Variants in ACACA observed in about 807,000 individuals in gnomAD.
ACACA encodes the protein acetyl-CoA carboxylase alpha, also known as acetyl-CoA carboxylase 1.
A neutral mutation model predicts 296.1 loss-of-function variants in ACACA; 103 were observed. The observed-to-expected ratio is 0.35, with a 90% CI of 0.30 to 0.41. ACACA has a LOEUF of 0.41. Among genes scored for constraint, ACACA ranks in the 10% least tolerant of loss-of-function variants. The pLI, the probability that ACACA is intolerant of heterozygous loss-of-function variation, is 1.00. For missense variants in ACACA, 1,554 were observed against 2,989.7 expected (o/e 0.52, Z 11.20); for synonymous variants, 953 against 1,038.6 (o/e 0.92, Z 1.58).
At chr17:37,400,740 CTG>C (rs71135716) in intron 1 of ACACA, among the ~76,000 whole-genome samples, 1,611 of 147,252 alleles carry the variant, frequency 0.011, 9 homozygotes, top group Non-Finnish European at 0.016. Context: ...GTGTGTGTGT[CTG>C]TGTGTGTGTG....
intron 32 of ACACA, among the ~76,000 whole-genome samples, chr17:37,206,301 G>GA (rs1378277038): frequency 1.3e-5 from 2 of 151,876 alleles, no homozygotes; most frequent in African/African-American, 4.8e-5. Flanking sequence ...ATCAAATCAT[G>GA]AAAAAATAAC....
chr17:37,141,178 G>C (rs573794427), intron 45 of ACACA: 74 of 539,594 alleles, frequency 1.4e-4, no homozygotes, highest in Non-Finnish European at 2.5e-4. Context: ...ATCCTTGAGA[G>C]AGGTCCCCAC....
At chr17:37,207,830 A>C in intron 30 of ACACA, 30 bp from the exon 31 acceptor site, 1 of 1,612,294 alleles carries the variant, frequency 6.2e-7, no homozygotes, top group Non-Finnish European at 8.5e-7. Context: ...CGTTCATTAG[A>C]CAAGGAGGGT....
intron 45 of ACACA, among the ~76,000 whole-genome samples, chr17:37,135,904 C>G (rs927160036): frequency 6.6e-6 from 1 of 150,950 alleles, no homozygotes; most frequent in Non-Finnish European, 1.5e-5. Flanking sequence ...TAATTCCAAA[C>G]AGGAATTCTT....
At chr17:37,317,764 C>A (rs938336456) in intron 3 of ACACA, among the ~76,000 whole-genome samples, 1 of 152,164 alleles carries the variant, frequency 6.6e-6, no homozygotes, top group African/African-American at 2.4e-5. Flanking sequence ...GCCTTACTTA[C>A]AACATTCATA....
At chr17:37,381,066 C>T (rs2050232301) in intron 1 of ACACA, among the ~76,000 whole-genome samples, 1 of 152,036 alleles carries the variant, frequency 6.6e-6, no homozygotes, top group Non-Finnish European at 1.5e-5. Context: ...TCCGGAGATA[C>T]TCTAAGAATG....
intron 28 of ACACA, 167 bp from the exon 29 acceptor site, chr17:37,222,009 T>C (rs2079316093): frequency 3.1e-6 from 2 of 652,992 alleles, no homozygotes; most frequent in East Asian, 2.7e-5. Context: ...TTAATAAAGC[T>C]GGAGTCTTAA....
intron 52 of ACACA, among the ~76,000 whole-genome samples, chr17:37,098,343 T>C (rs1295750784): frequency 6.6e-6 from 1 of 152,184 alleles, no homozygotes; most frequent in Non-Finnish European, 1.5e-5. Flanking sequence ...GGCCAGTACT[T>C]GTACACTGAC....
At chr17:37,291,143 T>TACACACACACACACACACACAC (rs71159701) in intron 3 of ACACA, among the ~76,000 whole-genome samples, 2,619 of 136,848 alleles carry the variant, frequency 0.019, 84 homozygotes, top group African/African-American at 0.067. Context: ...GAAAAACACA[T>TACACACACACACACACACACAC]ACACACACAC....
At chr17:37,104,818 TGTA>T (rs1167903471) in intron 52 of ACACA, among the ~76,000 whole-genome samples, 1 of 152,046 alleles carries the variant, frequency 6.6e-6, no homozygotes, top group Non-Finnish European at 1.5e-5. Context: ...GCGCATGCCT[TGTA>T]GTCCTAGCTA....
chr17:37,214,191 TGTGACCAGTG>T (rs2078883385), intron 29 of ACACA, among the ~76,000 whole-genome samples: 1 of 152,186 alleles, frequency 6.6e-6, no homozygotes, highest in Admixed American at 6.5e-5. Context: ...TTTGACTGGC[TGTGACCAGTG>T]GTGGTCTCTT....
chr17:37,265,794 A>G (rs895598282), intron 10 of ACACA, among the ~76,000 whole-genome samples: 7 of 152,054 alleles, frequency 4.6e-5, no homozygotes, highest in Non-Finnish European at 1.0e-4. Flanking sequence ...CCCTGCTCCT[A>G]GCTCTGCCCT....
chr17:37,160,208 C>T (rs1359564998), intron 42 of ACACA, among the ~76,000 whole-genome samples: 12 of 152,088 alleles, frequency 7.9e-5, no homozygotes, highest in Admixed American at 6.5e-4. Context: ...AGGGCTGATA[C>T]AGTACAGAGG....
At chr17:37,120,798 C>T (rs1240528219) in intron 50 of ACACA, among the ~76,000 whole-genome samples, 1 of 152,178 alleles carries the variant, frequency 6.6e-6, no homozygotes, top group Non-Finnish European at 1.5e-5. Context: ...TACTGGCTGC[C>T]TAATTACTTA....
chr17:37,273,530 T>C (rs575557979), intron 9 of ACACA, among the ~76,000 whole-genome samples: 3 of 152,348 alleles, frequency 2.0e-5, no homozygotes, highest in South Asian at 2.1e-4. Context: ...TGAATATGCA[T>C]AGCTCAGCCT....
At chr17:37,348,152 C>CAA (rs200582345) in intron 1 of ACACA, among the ~76,000 whole-genome samples, 3 of 97,114 alleles carry the variant, frequency 3.1e-5, no homozygotes, top group Non-Finnish European at 2.3e-5. Flanking sequence ...CTCTGTCTCT[C>CAA]AAAAAAAAAA....
At chr17:37,405,191 C>T (rs912561557) in intron 1 of ACACA, among the ~76,000 whole-genome samples, 3 of 152,208 alleles carry the variant, frequency 2.0e-5, no homozygotes, top group Non-Finnish European at 2.9e-5. Flanking sequence ...CCTTCCTTAT[C>T]TACCCTAACT....
chr17:37,161,241 G>A (rs184457627), intron 42 of ACACA, among the ~76,000 whole-genome samples: 3 of 152,290 alleles, frequency 2.0e-5, no homozygotes, highest in African/African-American at 7.2e-5. Context: ...TTTTTTCAGA[G>A]AGAAGGGAGA....
At chr17:37,151,072 T>C (rs1048632758) in intron 44 of ACACA, among the ~76,000 whole-genome samples, 2 of 150,002 alleles carry the variant, frequency 1.3e-5, no homozygotes, top group African/African-American at 4.9e-5. Context: ...AGAAAGAAAA[T>C]AAAAAGAAGT....
Sources: gnomAD v4.1 joint callset for allele counts (sites outside exome capture counted in the v4.1 genomes callset) on GRCh38, gnomAD v4.1.1 for gene constraint, MANE v1.5 for transcripts, NCBI Gene and HGNC (gene_info 2026-07-23, HGNC 2026-07-21) for gene names.